Variants in LTN1 observed in about 807,000 individuals in gnomAD.
The protein encoded by LTN1 is E3 ubiquitin-protein ligase listerin.
Under a neutral mutation model 201.2 loss-of-function variants are expected in LTN1, and 88 were observed. The ratio of observed to expected loss-of-function variants is 0.44; its 90% CI spans 0.37 to 0.52. LTN1 has a LOEUF of 0.52. LTN1 is among the 20% of genes least tolerant of loss of function. LTN1 has a pLI of 0.00. For missense variants in LTN1, 1,752 were observed against 2,038.7 expected, an observed-to-expected ratio of 0.86 and a Z score of 2.71; for synonymous variants, 645 against 713.5, an observed-to-expected ratio of 0.90 and a Z score of 1.53.
At chr21:28,977,818 C>T (rs2084627992) in intron 6 of LTN1, among the ~76,000 whole-genome samples, 1 of 152,038 alleles carries the variant, frequency 6.6e-6, no homozygotes, top group South Asian at 2.1e-4. Context: ...TGCCAAGCTA[C>T]TCGGGAGGCT....
chr21:28,960,526 C>G lies in LTN1; in HGVS notation c.2344G>C (p.Val782Leu). Residue 782 changes from valine to leucine, a missense_variant, in exon 12 of 30, where the codon GTT becomes CTT. By Grantham distance (32) the Val-to-Leu change is conservative (BLOSUM62 1). This residue lies in a region of LTN1 where 1,211 missense variants were observed against 1,312.8 expected (regional missense o/e 0.92). Transcript: ENST00000361371. ...GCCATATTTGTCCTACCATTTTTAA[C>G]ATGTTGGGATAATACCAAGCTTAGA... ...TLLSLVLSQH[V>L]KNDYLIGDVY... is the part of the protein sequence containing the mutation. The G allele has an allele frequency of 6.2e-7, 1 of 1,609,678 alleles. No homozygotes were observed. The highest frequency in any genetic ancestry group is 8.5e-7 in the Non-Finnish European group (1 of 1,178,180).
chr21:28,946,885 A>C (rs982791526), intron 19 of LTN1, among the ~76,000 whole-genome samples: 1 of 152,124 alleles, frequency 6.6e-6, no homozygotes, highest in Non-Finnish European at 1.5e-5. Context: ...CCCTTCCCCA[A>C]CTATGTCCAT....
intron 25 of LTN1, among the ~76,000 whole-genome samples, chr21:28,939,276 G>A (rs1601166059): frequency 6.6e-6 from 1 of 152,052 alleles, no homozygotes; most frequent in Admixed American, 6.6e-5. Flanking sequence ...TTGAGTATTC[G>A]CTGGGGTGGG....
At chr21:28,977,927 C>CA (rs56303862) in intron 6 of LTN1, among the ~76,000 whole-genome samples, 20,020 of 119,440 alleles carry the variant, frequency 0.17, 1,611 homozygotes, top group Non-Finnish European at 0.22. Flanking sequence ...GACTCTGTCT[C>CA]AAAAAAAAAA....
At chr21:28,940,723 T>C (rs983604272) in intron 25 of LTN1, among the ~76,000 whole-genome samples, 3 of 152,210 alleles carry the variant, frequency 2.0e-5, no homozygotes, top group African/African-American at 7.2e-5. Context: ...ATCAGAGTAA[T>C]TACTTTTGCT....
intron 17 of LTN1, 151 bp from the exon 18 acceptor site, chr21:28,952,415 C>A: frequency 2.0e-6 from 1 of 507,380 alleles, no homozygotes; most frequent in Non-Finnish European, 3.5e-6. Flanking sequence ...CAAGCAACTG[C>A]CAGTAATTAT....
chr21:28,933,273 T>G (rs953535807), intron 27 of LTN1, among the ~76,000 whole-genome samples: 2 of 152,130 alleles, frequency 1.3e-5, no homozygotes, highest in Admixed American at 1.3e-4. Flanking sequence ...ACAAAATCTC[T>G]CACATCCCTA....
In LTN1 at chr21:28,946,305, A is replaced by G; in HGVS notation, c.3488-18T>C. 1 of 1,522,244 alleles carries G rather than the reference A, an allele frequency of 6.6e-7. No homozygotes were observed. The highest frequency in any genetic ancestry group is 2.4e-5 in the Admixed American group (1 of 41,668). 94.3% of individuals were successfully genotyped at this position (1,522,244 alleles called of 1,614,324 possible). A position where few individuals can be genotyped will look rare whatever the true frequency, so the allele number is the denominator to read the frequency against. On this transcript the variant is annotated intron_variant, in intron 19 of 29. Coordinates refer to ENST00000361371, the MANE Select transcript of LTN1 (RefSeq NM_015565.3). The stretch of plus-strand genomic sequence containing the variant: ...AAAACCTCCTAAAGTAAAATTCAAA[A>G]TGAAAATTAAAAATATTTAAGAACT...
At chr21:28,956,730 T>C in intron 16 of LTN1, 32 bp downstream of exon 16, 1 of 1,141,628 alleles carries the variant, frequency 8.8e-7, no homozygotes, top group Non-Finnish European at 1.2e-6. Context: ...ATTCATGCAT[T>C]ATGTTATATG....
At chr21:28,969,421 A>G (rs780084054) in intron 9 of LTN1, 45 bp downstream of exon 9, 6 of 1,535,660 alleles carry the variant, frequency 3.9e-6, no homozygotes, top group African/African-American at 1.4e-5. Flanking sequence ...TTGATCCTAC[A>G]TAATCAGTAT....
At chr21:28,981,984 G>A (rs1329185561) in intron 5 of LTN1, among the ~76,000 whole-genome samples, 1 of 152,224 alleles carries the variant, frequency 6.6e-6, no homozygotes, top group East Asian at 1.9e-4. Context: ...GGAGGCCGAG[G>A]CGGGTGGATC....
intron 4 of LTN1, among the ~76,000 whole-genome samples, chr21:28,984,129 A>G (rs1314659766): frequency 1.3e-5 from 2 of 152,170 alleles, no homozygotes; most frequent in Non-Finnish European, 2.9e-5. Context: ...TTGGCCCAAC[A>G]TATGCTTACT....
chr21:28,960,620 A>G lies in LTN1; in HGVS notation c.2250T>C (p.Asp750=), dbSNP rs1280721515. 15 of 1,613,882 alleles carry G rather than the reference A, an allele frequency of 9.3e-6. No homozygotes were observed. Among genetic ancestry groups the G allele is most frequent in the Admixed American group, 1.7e-5 (1 of 59,994 alleles). Reference sequence around the variant, plus strand: ...ATTCCAAGTCCTCATTACAAAGACAATCTGCCAAGTTGACCAATTTCTCAC... The same window carrying G: ...ATTCCAAGTCCTCATTACAAAGACAGTCTGCCAAGTTGACCAATTTCTCAC... ...ILGEKLVNLA[D]CLCNEDLESR... The change falls in exon 12 of 30, where the codon GAT becomes GAC. Residue 750 remains aspartate, a synonymous_variant. Transcript: ENST00000361371.
rs571644208 is a variant in LTN1, at chr21:28,959,842, C to T, written c.2354-145G>A. The T allele has an allele frequency of 2.3e-4, 153 of 678,152 alleles. No individual in the cohort carries two copies. The African/African-American group carries it at 2.7e-3, about 12-fold the overall frequency. The allele number at this position is 678,152 out of a possible 1,614,324, so 42.0% of individuals were successfully genotyped here. A position where few individuals can be genotyped will look rare whatever the true frequency, so the allele number is the denominator to read the frequency against. Reference sequence around the variant, plus strand: ...AATTTTATCAACAAATCAACACATTCTCTCACACATAAAGGCCCTCAAGTA... The same window carrying T: ...AATTTTATCAACAAATCAACACATTTTCTCACACATAAAGGCCCTCAAGTA... On this transcript the variant is annotated intron_variant, in intron 12 of 29. Transcript: ENST00000361371.
In LTN1 at chr21:28,986,808, T is replaced by C. The variant is rs938754379; in HGVS notation, c.169A>G (p.Ile57Val). 11 of 1,613,962 alleles carry C rather than the reference T, an allele frequency of 6.8e-6. No homozygotes were observed. Among genetic ancestry groups the C allele is most frequent in the Non-Finnish European group, 9.3e-6 (11 of 1,179,898 alleles). ...AAATCAGAATCTACAAGACTGTCAA[T>C]TTCTTCAGCTCCTTGAATAGCAGGA... ...YVPAIQGAEE[I>V]DSLVDSDFRM... Residue 57 changes from isoleucine to valine, a missense_variant, in exon 2 of 30, where the codon ATT (isoleucine) becomes GTT (valine). Coordinates refer to ENST00000361371, the MANE Select transcript of LTN1 (RefSeq NM_015565.3). This position sits in a 1 kb window ranked among gnomAD's most constrained non-coding sequence, Gnocchi z 4.1.
intron 17 of LTN1, among the ~76,000 whole-genome samples, chr21:28,952,967 T>G (rs1179123808): frequency 6.6e-6 from 1 of 152,214 alleles, no homozygotes; most frequent in African/African-American, 2.4e-5. Context: ...AAGCTTCTAC[T>G]TCTTTTTTGT....
chr21:28,944,699 A>T, intron 21 of LTN1, 103 bp from the exon 22 acceptor site: 1 of 844,912 alleles, frequency 1.2e-6, no homozygotes, highest in Non-Finnish European at 1.8e-6. Context: ...TTTGAATTTT[A>T]AAACGAAAAG....
At chr21:28,987,253 T>G (rs1414573495) in intron 1 of LTN1, among the ~76,000 whole-genome samples, 1 of 152,200 alleles carries the variant, frequency 6.6e-6, no homozygotes, top group African/African-American at 2.4e-5. Context: ...TTAAAATTTT[T>G]AAAATCAGAA....
chr21:28,947,741 G>T, intron 18 of LTN1, 135 bp from the exon 19 acceptor site: 1 of 549,478 alleles, frequency 1.8e-6, no homozygotes, highest in Non-Finnish European at 2.9e-6. Context: ...AAGAAACTAT[G>T]ATAGATTTAA....
Sources: allele counts gnomAD v4.1 joint callset (sites outside exome capture counted in the v4.1 genomes callset), GRCh38; gene constraint gnomAD v4.1.1; regional missense constraint gnomAD v4.1.1; non-coding constraint Gnocchi (gnomAD v3.1); transcripts MANE v1.5; gene names NCBI Gene and HGNC (gene_info 2026-07-23, HGNC 2026-07-21).